Variants in SPATA20 observed in about 807,000 individuals in gnomAD.
The protein encoded by SPATA20 is spermatogenesis associated 20.
Under a neutral mutation model 98.9 loss-of-function variants are expected in SPATA20, and 74 were observed. The ratio of observed to expected loss-of-function variants is 0.75; its 90% confidence interval spans 0.62 to 0.91. The LOEUF (loss-of-function observed/expected upper bound fraction) is 0.91. SPATA20 is among the 40% of genes least tolerant of loss of function. The pLI is 0.00. For missense variants in SPATA20, 1,016 were observed against 1,069.8 expected (o/e 0.95, Z 0.70); for synonymous variants, 430 against 440.5 (o/e 0.98, Z 0.30).
At position 50,551,608 on chromosome 17, in the gene SPATA20, C is replaced by T. The variant is rs750664972; in HGVS notation, c.1674C>T (p.His558=). ...ATNGAKFLKR[H]MFDVASGRLM... ...ATGGTGCCAAGTTCCTGAAGCGGCA[C>T]ATGTTTGATGTGGCCAGTGGCCGCC... The change falls in exon 13 of 17, where the codon CAC becomes CAT. Residue 558 remains histidine (H), a synonymous_variant. Transcript: ENST00000006658. 6.2e-6 allele frequency: 10 copies of T among 1,608,168 alleles called. No homozygotes were observed. Among genetic ancestry groups the T allele is most frequent in the Non-Finnish European group, 7.7e-6 (9 of 1,175,488 alleles).
rs769229866 is a variant in SPATA20, at chr17:50,548,530, G to A, written c.297-24G>A. 70 of 1,613,542 alleles carry A rather than the reference G, an allele frequency of 4.3e-5. No homozygotes were observed. The East Asian group carries it at 5.1e-4, about 12-fold the overall frequency. On this transcript the variant is annotated intron_variant, in intron 3 of 16. Coordinates refer to ENST00000006658, the MANE Select transcript of SPATA20 (RefSeq NM_022827.4). ...TCCCAGACCCCCTGGGCTACTGAGTGATGCCCCACCCTGCTGGGTCTAGGT... is the reference window on the plus strand; with the variant it reads ...TCCCAGACCCCCTGGGCTACTGAGTAATGCCCCACCCTGCTGGGTCTAGGT...
At chr17:50,554,579 G>C in intron 15 of SPATA20, 129 bp downstream of exon 15, 1 of 912,280 alleles carries the variant, frequency 1.1e-6, no homozygotes, top group African/African-American at 1.6e-5. Flanking sequence ...GTGCAGGCAC[G>C]TGGCCTGTCA....
intron 2 of SPATA20, 133 bp from the exon 3 acceptor site, chr17:50,548,150 T>C (rs771913071): frequency 3.4e-5 from 51 of 1,492,118 alleles, no homozygotes; most frequent in Non-Finnish European, 4.3e-5. Flanking sequence ...GTCTCCCCCA[T>C]GGTTCAGAAA....
chr17:50,547,233 G>C lies in SPATA20; in HGVS notation c.25G>C (p.Gly9Arg). The C allele has an allele frequency of 1.4e-6, 2 of 1,410,818 alleles. No homozygotes were observed. Among genetic ancestry groups the C allele is most frequent in the East Asian group, 5.9e-5 (2 of 33,796 alleles). The allele number at this position is 1,410,818 out of a possible 1,614,324, so 87.4% of individuals were successfully genotyped here. A position where few individuals can be genotyped will look rare whatever the true frequency, so the allele number is the denominator to read the frequency against. Reference protein sequence around the residue: MLGARAWLGRVLLLPRAGA... With the variant: MLGARAWLRRVLLLPRAGA... ...CATGCTGGGCGCGCGGGCCTGGTTG[G>C]GCCGCGTCCTTCTGCTGCCCCGCGC... The change falls in exon 1 of 17, where the codon GGC becomes CGC. Residue 9 changes from glycine (G) to arginine (R), a missense_variant. Coordinates refer to ENST00000006658, the MANE Select transcript of SPATA20 (RefSeq NM_022827.4).
intron 8 of SPATA20, 35 bp from the exon 9 acceptor site, chr17:50,550,173 A>C: frequency 2.5e-6 from 4 of 1,612,464 alleles, no homozygotes; most frequent in Non-Finnish European, 2.5e-6. Flanking sequence ...GTGGGGCAGA[A>C]GCTGGGACTG....
chr17:50,552,112 C>A lies in SPATA20; in HGVS notation c.1889C>A (p.Ser630Tyr). 6.2e-7 allele frequency: 1 copy of A among 1,613,802 alleles called. No homozygotes were observed. ...ACACAGGACAAGCTCTTTTGGGACT[C>A]CCAGGGTGGCGGCTACTTCTGCAGT... ...QDTQDKLFWDSQGGGYFCSEA... is the reference protein window; with the variant it reads ...QDTQDKLFWDYQGGGYFCSEA... Residue 630 changes from serine to tyrosine, a missense_variant, in exon 14 of 17, where the codon TCC becomes TAC. By Grantham distance (144) the Ser-to-Tyr change is moderately radical. Transcript: ENST00000006658.
intron 15 of SPATA20, among the ~76,000 whole-genome samples, chr17:50,554,956 C>A (rs565169395): frequency 9.3e-5 from 14 of 150,052 alleles, no homozygotes; most frequent in African/African-American, 3.4e-4. Context: ...CTGAATGGGT[C>A]TCTGTGTGCT....
chr17:50,553,281 C>T (rs1283132694), intron 14 of SPATA20, among the ~76,000 whole-genome samples: 1 of 152,186 alleles, frequency 6.6e-6, no homozygotes, highest in East Asian at 1.9e-4. Flanking sequence ...TAAATGTTAA[C>T]TGAGTGAATG....
Position 50,551,691 on chromosome 17 carries a change from G to GGAGCACAGGTT in SPATA20, c.1745+13_1745+14insAGCACAGGTTG. The GGAGCACAGGTT allele has an allele frequency of 1.9e-6, 3 of 1,582,848 alleles. No individual in the cohort carries two copies. Among genetic ancestry groups the GGAGCACAGGTT allele is most frequent in the Non-Finnish European group, 2.6e-6 (3 of 1,156,226 alleles). ...ACTGTGGAGCACAGGTTGGGGGCTG[G>GGAGCACAGGTT]GTAGACCGGGAGGGCCCGTCTCCCC... is the stretch of plus-strand genomic sequence containing the variant. On this transcript the variant is annotated intron_variant, in intron 13 of 16. Coordinates refer to ENST00000006658, the MANE Select transcript of SPATA20 (RefSeq NM_022827.4).
At position 50,551,143 on chromosome 17, in the gene SPATA20, A is replaced by G; in HGVS notation, c.1529A>G (p.His510Arg). The G allele has an allele frequency of 6.3e-7, 1 of 1,595,478 alleles. No homozygotes were observed. The highest frequency in any genetic ancestry group is 1.1e-5 in the South Asian group (1 of 87,278). ...GLEKLFQARK[H>R]RPKPHLDSKM... is the part of the protein sequence containing the mutation. ...GAGAAGCTCTTCCAGGCCCGGAAGC[A>G]TCGGCCCAAGCCGCACCTGGACAGC... The change falls in exon 12 of 17, where the codon CAT becomes CGT. Residue 510 changes from histidine (H) to arginine (R), a missense_variant. His to Arg is a conservative substitution (Grantham distance 29). Transcript: ENST00000006658.
intron 2 of SPATA20, chr17:50,548,037 C>T (rs764565589): frequency 8.1e-6 from 12 of 1,475,108 alleles, no homozygotes; most frequent in South Asian, 4.1e-5. Flanking sequence ...TCCTTCCCAC[C>T]GCCAGGCCCA....
chr17:50,551,251 C>T, intron 12 of SPATA20, 61 bp downstream of exon 12: 1 of 1,469,218 alleles, frequency 6.8e-7, no homozygotes, highest in Middle Eastern at 2.4e-4. Context: ...AAGCCCCTGT[C>T]TTTCCGGCAG....
In SPATA20 at chr17:50,551,136, C is replaced by G. The variant is rs374374420; in HGVS notation, c.1522C>G (p.Arg508Gly). The change falls in exon 12 of 17, where the codon CGG becomes GGG. Residue 508 changes from arginine to glycine, a missense_variant. By Grantham distance (125) the Arg-to-Gly change is moderately radical. Transcript: ENST00000006658. ...NSGLEKLFQARKHRPKPHLDS... is the reference protein window; with the variant it reads ...NSGLEKLFQAGKHRPKPHLDS... ...AGGGCTGGAGAAGCTCTTCCAGGCCCGGAAGCATCGGCCCAAGCCGCACCT... is the reference window on the plus strand; with the variant it reads ...AGGGCTGGAGAAGCTCTTCCAGGCCGGGAAGCATCGGCCCAAGCCGCACCT... 4.4e-6 allele frequency: 7 copies of G among 1,606,156 alleles called. No homozygotes were observed. The highest frequency in any genetic ancestry group is 1.3e-5 in the African/African-American group (1 of 74,874).
At position 50,549,327 on chromosome 17, in the gene SPATA20, T is replaced by A; in HGVS notation, c.702T>A (p.Arg234=). Residue 234 remains arginine, a synonymous_variant, in exon 7 of 17, where the codon CGT becomes CGA. Coordinates refer to ENST00000006658, the MANE Select transcript of SPATA20 (RefSeq NM_022827.4). ...NKNTLLENSQ[R]VTTALLARSE... ...ACACCCTGCTAGAAAATAGCCAGCG[T>A]GTCACCACTGCCCTGCTGGCCCGAT... is the stretch of plus-strand genomic sequence containing the variant. 6.2e-7 allele frequency: 1 copy of A among 1,612,584 alleles called. No homozygotes were observed. Among genetic ancestry groups the A allele is most frequent in the Non-Finnish European group, 8.5e-7 (1 of 1,179,930 alleles).
chr17:50,550,820 C>T lies in SPATA20; in HGVS notation c.1286C>T (p.Pro429Leu), dbSNP rs1452109960. Residue 429 changes from proline to leucine, a missense_variant, in exon 11 of 17, where the codon CCG (proline) becomes CTG (leucine). By Grantham distance (98) the Pro-to-Leu change is moderately conservative. Coordinates refer to ENST00000006658, the MANE Select transcript of SPATA20 (RefSeq NM_022827.4). ...WTVKEVQQLL[P>L]EPVLGATEPL... is the part of the protein sequence containing the mutation. ...GTCAAAGAGGTTCAGCAGCTCCTCCCGGAGCCTGTGTTGGGTGCCACCGAG... is the reference window on the plus strand; with the variant it reads ...GTCAAAGAGGTTCAGCAGCTCCTCCTGGAGCCTGTGTTGGGTGCCACCGAG... The T allele has an allele frequency of 1.2e-5, 20 of 1,612,866 alleles. No homozygotes were observed. The highest frequency in any genetic ancestry group is 7.7e-5 in the South Asian group (7 of 91,088).
rs371646319 is a variant in SPATA20, at chr17:50,548,579, G to A, written c.322G>A (p.Asp108Asn). The change falls in exon 4 of 17, where the codon GAC becomes AAC. Residue 108 changes from aspartate to asparagine, a missense_variant. Asp to Asn is a conservative substitution (Grantham distance 23, BLOSUM62 1). Transcript: ENST00000006658. ...GTACCCCTGGGGACAGGAAGCCTTCGACAAGGCCAGGAAGGAAAACAAGCC... is the reference window on the plus strand; with the variant it reads ...GTACCCCTGGGGACAGGAAGCCTTCAACAAGGCCAGGAAGGAAAACAAGCC... ...DWYPWGQEAF[D>N]KARKENKPIF... 2.8e-5 allele frequency: 45 copies of A among 1,613,428 alleles called. No individual in the cohort carries two copies. The highest frequency in any genetic ancestry group is 3.3e-5 in the Admixed American group (2 of 59,968).
intron 15 of SPATA20, among the ~76,000 whole-genome samples, chr17:50,554,766 TGTGA>T (rs1481752053): frequency 1.3e-5 from 2 of 151,924 alleles, no homozygotes; most frequent in Admixed American, 1.3e-4. Context: ...GGGATGCTGG[TGTGA>T]GTGTTTGTCT....
At chr17:50,551,928 TGGG>T (rs1389467889) in intron 13 of SPATA20, 38 bp from the exon 14 acceptor site, 1 of 1,512,884 alleles carries the variant, frequency 6.6e-7, no homozygotes, top group Non-Finnish European at 9.0e-7. Context: ...CCCTCTCTCC[TGGG>T]GCTCTCCCCA....
chr17:50,555,199 G>C, intron 15 of SPATA20, 33 bp from the exon 16 acceptor site: 1 of 1,597,410 alleles, frequency 6.3e-7, no homozygotes, highest in Non-Finnish European at 8.6e-7. Context: ...TCCCTCCCCT[G>C]ACACACCGGA....
Sources: gnomAD v4.1 joint callset for allele counts (sites outside exome capture counted in the v4.1 genomes callset) on GRCh38, gnomAD v4.1.1 for gene constraint, MANE v1.5 for transcripts, NCBI Gene and HGNC (gene_info 2026-07-23, HGNC 2026-07-21) for gene names.